The following STK33 variants were observed in gnomAD, a reference collection of about 807,000 sequenced individuals.
STK33 encodes serine/threonine-protein kinase 33.
STK33 carries 52 observed loss-of-function variants against 58.0 expected under a neutral mutation model. The ratio of observed to expected loss-of-function variants is 0.90; its 90% CI spans 0.72 to 1.13. The LOEUF is 1.13. Among genes scored for constraint, STK33 ranks in the 50% most tolerant of loss-of-function variants. The pLI is 0.00. For missense variants in STK33, 630 were observed against 604.2 expected (o/e 1.04, Z -0.45); for synonymous variants, 215 against 200.1 (o/e 1.07, Z -0.63).
At chr11:8,491,057 C>G (rs532857055) in intron 1 of STK33, among the ~76,000 whole-genome samples, 2 of 152,170 alleles carry the variant, frequency 1.3e-5, no homozygotes, top group Non-Finnish European at 2.9e-5. Context: ...TGCAGCTCCT[C>G]GCCAGTAACA....
intron 13 of STK33, 84 bp downstream of exon 13, chr11:8,435,943 G>C (rs1944009187): frequency 2.9e-6 from 2 of 689,414 alleles, no homozygotes; most frequent in Non-Finnish European, 4.3e-6. Context: ...TGACTAAACA[G>C]AGATTTAAAA....
intron 1 of STK33, among the ~76,000 whole-genome samples, chr11:8,564,634 T>C (rs1459661102): frequency 6.6e-6 from 1 of 152,144 alleles, no homozygotes; most frequent in Admixed American, 6.5e-5. Context: ...CTTTTTGCAG[T>C]TAACCACAGA....
At chr11:8,342,373 G>T in the STK33 span, among the ~76,000 whole-genome samples, 1,132 of 152,352 alleles carry the variant, frequency 7.4e-3, 9 homozygotes, top group African/African-American at 0.025. Flanking sequence ...TTTAGTCGGA[G>T]TCTGGGTTTC....
chr11:8,562,080 C>T (rs1957150753), intron 1 of STK33, among the ~76,000 whole-genome samples: 1 of 152,066 alleles, frequency 6.6e-6, no homozygotes, highest in South Asian at 2.1e-4. Context: ...TCTATGTTCC[C>T]CTTCAATTTC....
At chr11:8,426,081 CA>C (rs1942700343) in intron 14 of STK33, among the ~76,000 whole-genome samples, 20 of 147,298 alleles carry the variant, frequency 1.4e-4, no homozygotes, top group South Asian at 2.2e-4. Context: ...TTCTGTATCC[CA>C]GGGTTTCTAG....
chr11:8,554,763 C>T (rs1009022533), intron 1 of STK33, among the ~76,000 whole-genome samples: 7 of 152,012 alleles, frequency 4.6e-5, no homozygotes, highest in African/African-American at 1.7e-4. Flanking sequence ...GCGTACATAC[C>T]CAAAGGAACC....
intron 6 of STK33, among the ~76,000 whole-genome samples, chr11:8,470,710 T>G (rs1028539844): frequency 6.6e-6 from 1 of 152,082 alleles, no homozygotes; most frequent in South Asian, 2.1e-4. Flanking sequence ...AATTTTAATA[T>G]TGTCTCTCAG....
intron 1 of STK33, among the ~76,000 whole-genome samples, chr11:8,488,652 A>G (rs1011993618): frequency 2.0e-5 from 3 of 152,148 alleles, no homozygotes; most frequent in African/African-American, 4.8e-5. Context: ...GTCACAAACA[A>G]TATAGATTAT....
At chr11:8,425,940 G>T (rs1046674498) in intron 14 of STK33, among the ~76,000 whole-genome samples, 1 of 152,108 alleles carries the variant, frequency 6.6e-6, no homozygotes, top group Non-Finnish European at 1.5e-5. Flanking sequence ...GCATCTGGAG[G>T]TGAATGTTTA....
At chr11:8,491,798 C>T (rs1950634474) in intron 1 of STK33, among the ~76,000 whole-genome samples, 1 of 152,192 alleles carries the variant, frequency 6.6e-6, no homozygotes, top group Non-Finnish European at 1.5e-5. Context: ...ATTCAACATT[C>T]TTAAAGAAAA....
At chr11:8,432,479 T>C (rs1399194416) in intron 14 of STK33, among the ~76,000 whole-genome samples, 1 of 152,206 alleles carries the variant, frequency 6.6e-6, no homozygotes, top group African/African-American at 2.4e-5. Context: ...ATCTAACCAC[T>C]GACTTTTTAA....
chr11:8,371,069 G>A, the STK33 span, among the ~76,000 whole-genome samples: 4 of 152,296 alleles, frequency 2.6e-5, no homozygotes, highest in East Asian at 5.8e-4. Flanking sequence ...CTCAGTGGGG[G>A]CCTGGGGCAG....
chr11:8,364,560 T>G, the STK33 span, among the ~76,000 whole-genome samples: 2 of 151,990 alleles, frequency 1.3e-5, no homozygotes, highest in African/African-American at 4.8e-5. Context: ...CAGGGAAGTT[T>G]ACCCCTTAGG....
rs1037761098 is a variant in STK33, at chr11:8,521,613, A to G, written c.-465-40999T>C. On this transcript the variant is annotated intron_variant, in intron 1 of 15. Coordinates refer to ENST00000687296, the MANE Select transcript of STK33 (RefSeq NM_001352389.2). ...ACCAAAAGCAATGGCAACAAAAGCC[A>G]AAATTGACAAATGGGATCTAATTAA... 5.3e-5 allele frequency among the ~76,000 whole-genome samples: 8 copies of G among 152,260 alleles called. No homozygotes were observed. In the East Asian group the frequency reaches 1.5e-3, roughly 29 times the overall value.
chr11:8,542,433 G>A (rs140402536), intron 1 of STK33, among the ~76,000 whole-genome samples: 204 of 152,332 alleles, frequency 1.3e-3, no homozygotes, highest in African/African-American at 4.7e-3. Flanking sequence ...CTCAACGGAA[G>A]TGATTTTGCC....
chr11:8,490,022 C>T (rs34413282), intron 1 of STK33, among the ~76,000 whole-genome samples: 25,780 of 152,142 alleles, frequency 0.17, 2,651 homozygotes, highest in South Asian at 0.32. Flanking sequence ...TGGGTGATTT[C>T]TGCATTTCCA....
At chr11:8,454,874 G>C in intron 9 of STK33, 42 bp from the exon 10 acceptor site, 1 of 1,473,052 alleles carries the variant, frequency 6.8e-7, no homozygotes, top group Non-Finnish European at 9.1e-7. Context: ...AATGAATAAT[G>C]GAAAAATAGG....
intron 1 of STK33, among the ~76,000 whole-genome samples, chr11:8,562,300 G>T (rs1565371093): frequency 6.6e-6 from 1 of 151,976 alleles, no homozygotes; most frequent in East Asian, 1.9e-4. Context: ...TTCACTGCAG[G>T]TTAGAAATCA....
intron 14 of STK33, 44 bp downstream of exon 14, chr11:8,435,450 C>A: frequency 9.8e-7 from 1 of 1,023,002 alleles, no homozygotes; most frequent in Non-Finnish European, 1.4e-6. Context: ...AAGAAATGAG[C>A]AATGGTAGCA....
Sources: gnomAD v4.1 joint callset for allele counts (sites outside exome capture counted in the v4.1 genomes callset) on GRCh38, gnomAD v4.1.1 for gene constraint, MANE v1.5 for transcripts, NCBI Gene and HGNC (gene_info 2026-07-23, HGNC 2026-07-21) for gene names.